Variants in CALN1 observed in about 807,000 individuals in gnomAD.
CALN1 encodes calneuron 1, also known as calcium-binding protein 8.
A neutral mutation model predicts 30.6 loss-of-function variants in CALN1; 17 were observed. The ratio of observed to expected loss-of-function variants is 0.56; its 90% CI spans 0.38 to 0.83. The LOEUF (loss-of-function observed/expected upper bound fraction) is 0.83. Ranked by LOEUF, CALN1 falls within the 40% of genes least tolerant of loss-of-function variation. The pLI is 0.00. For synonymous variants in CALN1, 156 were observed against 131.4 expected (o/e 1.19, Z -1.28); for missense variants, 291 against 354.9 (o/e 0.82, Z 1.45).
chr7:72,261,564 A>G lies in CALN1; in HGVS notation c.244+17122T>C, dbSNP rs188223335. 4.2e-4 allele frequency among the ~76,000 whole-genome samples: 64 copies of G among 152,228 alleles called. No homozygotes were observed. The East Asian group carries it at 0.011, about 27-fold the overall frequency. Reference sequence around the variant, plus strand: ...CTCAGCATCACAAATAGCTGGGACTACAGGTGTGCACATCACGCTTGGATA... The same window carrying G: ...CTCAGCATCACAAATAGCTGGGACTGCAGGTGTGCACATCACGCTTGGATA... On this transcript the variant is annotated intron_variant, in intron 3 of 6. Transcript: ENST00000395275.
At chr7:72,217,345 G>A (rs1293162785) in intron 3 of CALN1, among the ~76,000 whole-genome samples, 1 of 152,116 alleles carries the variant, frequency 6.6e-6, no homozygotes, top group Non-Finnish European at 1.5e-5. Flanking sequence ...GTCTGGGCCT[G>A]GGCATCTTGC....
chr7:72,312,401 A>C (rs1489026680), intron 2 of CALN1, among the ~76,000 whole-genome samples: 4 of 151,422 alleles, frequency 2.6e-5, no homozygotes, highest in African/African-American at 4.9e-5. Context: ...TCAGAAAAAA[A>C]AAAAAAAAAA....
chr7:71,846,812 T>C (rs1335369495), intron 5 of CALN1, among the ~76,000 whole-genome samples: 3 of 122,266 alleles, frequency 2.5e-5, no homozygotes, highest in Admixed American at 9.0e-5. Context: ...ATGAGCAATA[T>C]ATACATAAAT....
chr7:71,833,745 T>C (rs1040924774), intron 5 of CALN1, among the ~76,000 whole-genome samples: 3 of 151,974 alleles, frequency 2.0e-5, no homozygotes, highest in Non-Finnish European at 4.4e-5. Context: ...TCTACACCCC[T>C]GTGCCCCTCT....
intron 5 of CALN1, among the ~76,000 whole-genome samples, chr7:71,864,814 C>T (rs945849767): frequency 7.2e-5 from 11 of 152,054 alleles, no homozygotes; most frequent in African/African-American, 2.7e-4. Context: ...CCAGCCTGGC[C>T]AACATGGTGA....
intron 3 of CALN1, among the ~76,000 whole-genome samples, chr7:72,132,225 C>A (rs1585007006): frequency 6.6e-6 from 1 of 152,088 alleles, no homozygotes; most frequent in Non-Finnish European, 1.5e-5. Context: ...GAACATCATC[C>A]CTTAGTCTAG....
At chr7:72,444,777 A>C (rs1808469858) in intron 1 of CALN1, among the ~76,000 whole-genome samples, 1 of 152,180 alleles carries the variant, frequency 6.6e-6, no homozygotes, top group Non-Finnish European at 1.5e-5. Context: ...TTTAATCCTG[A>C]CAATGCTACC....
chr7:71,810,259 A>C, intron 6 of CALN1, 77 bp downstream of exon 6: 1 of 1,478,306 alleles, frequency 6.8e-7, no homozygotes. Context: ...CCTGTGTGTG[A>C]ACGCATTTTT....
chr7:72,258,639 G>C (rs1231904417), intron 3 of CALN1, among the ~76,000 whole-genome samples: 1 of 152,184 alleles, frequency 6.6e-6, no homozygotes, highest in Non-Finnish European at 1.5e-5. Context: ...ATATGAAGAA[G>C]CCAGGGGTGG....
At chr7:72,229,023 C>T (rs1793891847) in intron 3 of CALN1, among the ~76,000 whole-genome samples, 1 of 151,364 alleles carries the variant, frequency 6.6e-6, no homozygotes, top group South Asian at 2.1e-4. Context: ...AGTGATCCTC[C>T]TGAAGTGCTA....
At chr7:72,285,402 TCTGC>T (rs561509490) in intron 2 of CALN1, among the ~76,000 whole-genome samples, 117 of 151,868 alleles carry the variant, frequency 7.7e-4, no homozygotes, top group African/African-American at 2.5e-3. Context: ...TGCCACCACG[TCTGC>T]CTAATTTTTT....
intron 5 of CALN1, among the ~76,000 whole-genome samples, chr7:71,913,316 T>G (rs976370516): frequency 6.6e-6 from 1 of 152,152 alleles, no homozygotes; most frequent in Non-Finnish European, 1.5e-5. Flanking sequence ...CAGAAAGCCT[T>G]ATAGCCACTG....
At chr7:71,794,500 C>G (rs1786773864) in intron 6 of CALN1, among the ~76,000 whole-genome samples, 1 of 152,198 alleles carries the variant, frequency 6.6e-6, no homozygotes, top group Admixed American at 6.5e-5. Context: ...CTAATTGCCA[C>G]TTAGAAGCCC....
chr7:72,193,356 T>C (rs1248826645), intron 3 of CALN1, among the ~76,000 whole-genome samples: 1 of 151,960 alleles, frequency 6.6e-6, no homozygotes, highest in Non-Finnish European at 1.5e-5. Flanking sequence ...CAGAGAAGGG[T>C]AGAAGACTCA....
chr7:72,165,269 G>C (rs1456811940), intron 3 of CALN1, among the ~76,000 whole-genome samples: 1 of 152,146 alleles, frequency 6.6e-6, no homozygotes, highest in Non-Finnish European at 1.5e-5. Context: ...GTAGAAACTA[G>C]AAGTGGCGGC....
At chr7:72,014,366 C>A (rs1165122049) in intron 5 of CALN1, among the ~76,000 whole-genome samples, 1 of 152,128 alleles carries the variant, frequency 6.6e-6, no homozygotes, top group Non-Finnish European at 1.5e-5. Flanking sequence ...GGATTACAGG[C>A]GTGAGCCACT....
At chr7:72,423,886 G>T (rs916352035) in intron 1 of CALN1, among the ~76,000 whole-genome samples, 2 of 142,202 alleles carry the variant, frequency 1.4e-5, no homozygotes, top group African/African-American at 5.2e-5. Flanking sequence ...GGGAGGAAAG[G>T]GGAGAAGGAA....
At chr7:72,465,637 C>A in the CALN1 span, among the ~76,000 whole-genome samples, 1 of 152,256 alleles carries the variant, frequency 6.6e-6, no homozygotes, top group Admixed American at 6.5e-5. Flanking sequence ...GGGAAAGAGA[C>A]AAGACACTCT....
chr7:72,464,564 C>A, the CALN1 span, among the ~76,000 whole-genome samples: 1 of 152,208 alleles, frequency 6.6e-6, no homozygotes, highest in African/African-American at 2.4e-5. Flanking sequence ...CAAGGTCCCA[C>A]CAAGCCCTGC....
Sources: allele counts gnomAD v4.1 joint callset (sites outside exome capture counted in the v4.1 genomes callset), GRCh38; gene constraint gnomAD v4.1.1; transcripts MANE v1.5; gene names NCBI Gene and HGNC (gene_info 2026-07-23, HGNC 2026-07-21).